The following TOX variants were observed in gnomAD, a reference collection of about 807,000 sequenced individuals.
TOX encodes thymocyte selection associated high mobility group box.
TOX carries 11 observed loss-of-function variants against 53.7 expected under a neutral mutation model. The observed-to-expected ratio is 0.20, with a 90% CI of 0.13 to 0.34. The LOEUF (loss-of-function observed/expected upper bound fraction) is 0.34, where lower values mean the gene tolerates loss of function less well. Among genes scored for constraint, TOX ranks in the 10% least tolerant of loss-of-function variants. The probability of loss-of-function intolerance (pLI) is 1.00; values close to 1 mark genes in which losing one functional copy is unlikely to be tolerated. For synonymous variants in TOX, 225 were observed against 245.3 expected (o/e 0.92, Z 0.77); for missense variants, 570 against 664.6 (o/e 0.86, Z 1.56).
chr8:58,980,500 A>G (rs1297970013), intron 1 of TOX, among the ~76,000 whole-genome samples: 1 of 152,208 alleles, frequency 6.6e-6, no homozygotes. Flanking sequence ...CTTTAAAATC[A>G]AGTACAAACT....
intron 3 of TOX, among the ~76,000 whole-genome samples, chr8:58,887,312 C>T (rs1480919992): frequency 6.6e-6 from 1 of 151,760 alleles, no homozygotes; most frequent in African/African-American, 2.4e-5. Context: ...ATATTATACT[C>T]ACTTCATACA....
rs967963491 is a variant in TOX at position 58,869,303 on chromosome 8, A to G, written c.412-17498T>C. 4.6e-5 allele frequency among the ~76,000 whole-genome samples: 7 copies of G among 152,242 alleles called. No individual in the cohort carries two copies. The East Asian group carries it at 5.8e-4, about 13-fold the overall frequency. ...TTTACAAATTTGAGAAGTCAAATGA[A>G]GTGGAACAATTCCTTAAAATTCAAC... On this transcript the variant is annotated intron_variant, in intron 3 of 8. Coordinates refer to ENST00000361421, the MANE Select transcript of TOX (RefSeq NM_014729.3).
intron 3 of TOX, among the ~76,000 whole-genome samples, chr8:58,854,267 A>T (rs1810874350): frequency 6.6e-6 from 1 of 152,198 alleles, no homozygotes; most frequent in Admixed American, 6.5e-5. Flanking sequence ...ACATGTCTGT[A>T]TTGAGCCCAT....
intron 1 of TOX, among the ~76,000 whole-genome samples, chr8:58,996,734 T>C (rs1813566729): frequency 6.6e-6 from 1 of 152,222 alleles, no homozygotes; most frequent in Non-Finnish European, 1.5e-5. Flanking sequence ...TCTAGCCACA[T>C]TTATGCCCAT....
intron 3 of TOX, among the ~76,000 whole-genome samples, chr8:58,923,223 C>T (rs1169141076): frequency 6.6e-6 from 1 of 151,962 alleles, no homozygotes; most frequent in African/African-American, 2.4e-5. Flanking sequence ...AGTCAGGAGG[C>T]GAGGCCAGTT....
At chr8:59,020,373 C>T (rs990417860) in intron 1 of TOX, among the ~76,000 whole-genome samples, 2 of 152,200 alleles carry the variant, frequency 1.3e-5, no homozygotes, top group South Asian at 2.1e-4. Flanking sequence ...GCTGTGAGGA[C>T]TTCTACTGCT....
chr8:59,033,867 T>C (rs1814402764), intron 1 of TOX, among the ~76,000 whole-genome samples: 1 of 152,212 alleles, frequency 6.6e-6, no homozygotes. Context: ...GGGCTGCTCC[T>C]GTGACCTTAG....
At chr8:59,024,878 T>C (rs1317996982) in intron 1 of TOX, among the ~76,000 whole-genome samples, 1 of 152,200 alleles carries the variant, frequency 6.6e-6, no homozygotes, top group East Asian at 1.9e-4. Context: ...AAATGTCAAT[T>C]CCAAAGCCAG....
chr8:58,960,747 G>T (rs909055655), intron 1 of TOX, among the ~76,000 whole-genome samples: 1 of 152,232 alleles, frequency 6.6e-6, no homozygotes, highest in Non-Finnish European at 1.5e-5. Context: ...CTCTCAAATA[G>T]TTCAAGCAAC....
intron 1 of TOX, among the ~76,000 whole-genome samples, chr8:58,990,538 A>G (rs1253609602): frequency 2.6e-5 from 4 of 152,118 alleles, no homozygotes; most frequent in Non-Finnish European, 5.9e-5. Context: ...TGTTTTCCCA[A>G]CAAGGTTTCC....
intron 4 of TOX, among the ~76,000 whole-genome samples, chr8:58,838,848 C>T (rs924658848): frequency 5.9e-5 from 9 of 151,652 alleles, no homozygotes; most frequent in African/African-American, 1.2e-4. Context: ...ACTACAGACG[C>T]GCGCCACCAC....
At chr8:59,103,781 T>C (rs1804849520) in intron 1 of TOX, among the ~76,000 whole-genome samples, 1 of 152,234 alleles carries the variant, frequency 6.6e-6, no homozygotes, top group African/African-American at 2.4e-5. Flanking sequence ...TAATAATATG[T>C]GTATTTACCA....
intron 1 of TOX, among the ~76,000 whole-genome samples, chr8:58,972,476 A>G (rs1813018005): frequency 6.6e-6 from 1 of 152,216 alleles, no homozygotes. Flanking sequence ...ACAGTTTGAC[A>G]TGAAAATATA....
chr8:59,017,079 G>A (rs542186163), intron 1 of TOX, among the ~76,000 whole-genome samples: 2 of 152,284 alleles, frequency 1.3e-5, no homozygotes, highest in South Asian at 2.1e-4. Context: ...AAGAGTCCAC[G>A]TTTCACCTCT....
At chr8:59,093,858 T>A (rs2129423985) in intron 1 of TOX, among the ~76,000 whole-genome samples, 1 of 152,336 alleles carries the variant, frequency 6.6e-6, no homozygotes, top group South Asian at 2.1e-4. Flanking sequence ...ACTGGCATGT[T>A]GGTAAATGAC....
chr8:58,877,426 G>A (rs925467473), intron 3 of TOX, among the ~76,000 whole-genome samples: 5 of 152,154 alleles, frequency 3.3e-5, no homozygotes, highest in Admixed American at 6.5e-5. Flanking sequence ...GTGTGGTCCC[G>A]CACAAAATTG....
At chr8:59,080,521 A>T (rs920191148) in intron 1 of TOX, among the ~76,000 whole-genome samples, 1 of 152,234 alleles carries the variant, frequency 6.6e-6, no homozygotes, top group Non-Finnish European at 1.5e-5. Context: ...CAAGAAGGAC[A>T]TGAGATTTGG....
chr8:58,829,489 C>G (rs7826293), intron 5 of TOX, among the ~76,000 whole-genome samples: 9,725 of 152,198 alleles, frequency 0.064, 643 homozygotes, highest in African/African-American at 0.16. Context: ...TGGATACACT[C>G]TTTCCTGAAT....
At chr8:59,069,471 A>G (rs972925421) in intron 1 of TOX, among the ~76,000 whole-genome samples, 1 of 152,224 alleles carries the variant, frequency 6.6e-6, no homozygotes, top group African/African-American at 2.4e-5. Context: ...TTGAAATGAA[A>G]GAAATCTCCA....
Sources: allele counts gnomAD v4.1 joint callset (sites outside exome capture counted in the v4.1 genomes callset), GRCh38; gene constraint gnomAD v4.1.1; transcripts MANE v1.5; gene names NCBI Gene and HGNC (gene_info 2026-07-23, HGNC 2026-07-21).